Variants in HECTD4 observed in about 807,000 individuals in gnomAD.
The protein encoded by HECTD4 is HECT domain E3 ubiquitin protein ligase 4.
Under a neutral mutation model 471.5 loss-of-function variants are expected in HECTD4, and 114 were observed. That is an observed-to-expected ratio of 0.24 (90% CI 0.21 to 0.28). The LOEUF (loss-of-function observed/expected upper bound fraction) is 0.28, where lower values mean the gene tolerates loss of function less well. Among genes scored for constraint, HECTD4 ranks in the 10% least tolerant of loss-of-function variants. HECTD4 has a pLI of 1.00. For synonymous variants in HECTD4, 2,012 were observed against 2,256.0 expected (o/e 0.89, Z 3.07); for missense variants, 3,866 against 5,651.5 (o/e 0.68, Z 10.13).
rs767915850 is a variant in HECTD4, at chr12:112,226,667, G to C, written c.6946C>G (p.Leu2316Val). The change falls in exon 44 of 76, where the codon CTA becomes GTA. Residue 2316 changes from leucine (L) to valine (V), a missense_variant. Leu to Val is a conservative substitution (Grantham distance 32). This residue lies in a region of HECTD4 where 617 missense variants were observed against 915.1 expected (regional missense o/e 0.67). Coordinates refer to ENST00000682272, the MANE Select transcript of HECTD4 (RefSeq NM_001388303.1). Reference protein sequence around the residue: ...QCPAAVEVLNLVAQECSAGER... With the variant: ...QCPAAVEVLNVVAQECSAGER... ...CCAGCACTACATTCCTGGGCTACTA[G>C]GTTAAGAACTTCAACAGCTGCTGGA... 1.9e-6 allele frequency: 3 copies of C among 1,612,082 alleles called. No individual in the cohort carries two copies. The highest frequency in any genetic ancestry group is 8.5e-7 in the Non-Finnish European group (1 of 1,178,992).
At chr12:112,165,465 C>T (rs2030905790) in intron 72 of HECTD4, among the ~76,000 whole-genome samples, 1 of 151,316 alleles carries the variant, frequency 6.6e-6, no homozygotes, top group Admixed American at 6.6e-5. Context: ...CATTCTCCTG[C>T]CTCAGCCTCC....
intron 44 of HECTD4, 193 bp from the exon 45 acceptor site, chr12:112,219,682 C>T (rs2033035603): frequency 2.5e-6 from 1 of 403,128 alleles, no homozygotes; most frequent in Non-Finnish European, 4.4e-6. Context: ...TTACTGCAAC[C>T]TCTGCCTCCT....
At chr12:112,230,913 T>C in intron 39 of HECTD4, 91 bp from the exon 40 acceptor site, 1 of 1,236,926 alleles carries the variant, frequency 8.1e-7, no homozygotes. Flanking sequence ...GAGGAAAACC[T>C]TTTCTTTTTA....
chr12:112,254,750 G>C (rs570820331), intron 21 of HECTD4, among the ~76,000 whole-genome samples: 2 of 152,264 alleles, frequency 1.3e-5, no homozygotes, highest in Admixed American at 6.5e-5. Context: ...GCCAGAAAGG[G>C]GGCTGCTGCT....
chr12:112,195,964 C>A (rs1392943223), intron 55 of HECTD4, among the ~76,000 whole-genome samples: 1 of 152,136 alleles, frequency 6.6e-6, no homozygotes, highest in Non-Finnish European at 1.5e-5. Flanking sequence ...GAGTTTGAGA[C>A]CAGCCTGGGG....
intron 1 of HECTD4, among the ~76,000 whole-genome samples, chr12:112,376,912 AGACCAGC>A (rs2036791572): frequency 6.6e-6 from 1 of 152,136 alleles, no homozygotes; most frequent in African/African-American, 2.4e-5. Flanking sequence ...CCGGAGTTCA[AGACCAGC>A]CTGACCAACA....
At chr12:112,227,837 C>T (rs1273393896) in intron 43 of HECTD4, among the ~76,000 whole-genome samples, 1 of 152,070 alleles carries the variant, frequency 6.6e-6, no homozygotes, top group Non-Finnish European at 1.5e-5. Context: ...GTGTTTCATA[C>T]ATCACATTTC....
chr12:112,340,818 C>T (rs776825383), intron 1 of HECTD4, among the ~76,000 whole-genome samples: 3 of 151,946 alleles, frequency 2.0e-5, no homozygotes, highest in Non-Finnish European at 2.9e-5. Context: ...ATTCATGTGC[C>T]GAATTTGACA....
intron 38 of HECTD4, 84 bp from the exon 39 acceptor site, chr12:112,231,799 C>T (rs2033387399): frequency 9.1e-7 from 1 of 1,100,206 alleles, no homozygotes; most frequent in Non-Finnish European, 1.3e-6. Context: ...CCTCAATTAC[C>T]AAAGCAATCC....
At chr12:112,375,626 TC>T (rs1263356621) in intron 1 of HECTD4, among the ~76,000 whole-genome samples, 1 of 152,210 alleles carries the variant, frequency 6.6e-6, no homozygotes, top group Non-Finnish European at 1.5e-5. Context: ...AGTAAGCTAT[TC>T]CTTCTTTTCC....
rs1245619175 is a variant in HECTD4, at chr12:112,219,397, C to T, written c.7063G>A (p.Asp2355Asn). The change falls in exon 45 of 76, where the codon GAC (aspartate) becomes AAC (asparagine). Residue 2355 changes from aspartate (D) to asparagine (N), a missense_variant. Transcript: ENST00000682272. ...ARPPPPPLQADRRQPKEITWS... is the reference protein window; with the variant it reads ...ARPPPPPLQANRRQPKEITWS... ...CGCAGAGGGCTCACCTGTCTTCGGT[C>T]AGCCTGCAAAGGAGGTGGTGGGGGC... is the stretch of plus-strand genomic sequence containing the variant. The T allele has an allele frequency of 1.2e-6, 2 of 1,613,290 alleles. No homozygotes were observed. Among genetic ancestry groups the T allele is most frequent in the Middle Eastern group, 3.3e-4 (2 of 6,062 alleles).
At chr12:112,330,138 G>A (rs917379999) in intron 1 of HECTD4, among the ~76,000 whole-genome samples, 48 of 152,054 alleles carry the variant, frequency 3.2e-4, no homozygotes, top group African/African-American at 1.0e-3. Context: ...TTAGCCGGGC[G>A]TGGTGATGGG....
At position 112,170,903 on chromosome 12, in the gene HECTD4, T is replaced by G. The variant is rs1316677195; in HGVS notation, c.11932+214A>C. The G allele has an allele frequency of 8.6e-5, 45 of 523,682 alleles. 1 individual carries two copies. In the East Asian group the frequency reaches 1.4e-3, roughly 16 times the overall value. The allele number at this position is 523,682 out of a possible 1,614,324, so 32.4% of individuals were successfully genotyped here. On this transcript the variant is annotated intron_variant, in intron 68 of 75. Coordinates refer to ENST00000682272, the MANE Select transcript of HECTD4 (RefSeq NM_001388303.1). The stretch of plus-strand genomic sequence containing the variant: ...TAATTTGAAAACCTTAAAAATAATT[T>G]TATTTTTCAGAGCATGTTACTTTTA...
Position 112,248,511 on chromosome 12 carries a change from C to A in HECTD4, c.3952G>T (p.Glu1318Ter). ...ARPQFRPSIK[E>*]VIQPDVMEEM... ...TCCATCACGTCTGGCTGAATCACTT[C>A]TCTGTGATCACAATGGAAATCAGTC... is the stretch of plus-strand genomic sequence containing the variant. The change falls in exon 26 of 76, where the codon GAA (glutamate) becomes TAA (stop). Residue 1318 changes from glutamate (E) to a stop codon, truncating the protein, a stop_gained and splice_region_variant. Coordinates refer to ENST00000682272, the MANE Select transcript of HECTD4 (RefSeq NM_001388303.1). LOFTEE classifies it high-confidence loss of function. 2 of 1,592,474 alleles carry A rather than the reference C, an allele frequency of 1.3e-6. No homozygotes were observed. The highest frequency in any genetic ancestry group is 1.7e-6 in the Non-Finnish European group (2 of 1,170,270).
Position 112,184,405 on chromosome 12 carries a change from G to C in HECTD4, c.10561C>G (p.Pro3521Ala), listed in dbSNP as rs1389719900. 1.9e-6 allele frequency: 3 copies of C among 1,607,428 alleles called. No homozygotes were observed. The African/African-American group carries it at 4.0e-5, about 21-fold the overall frequency. The change falls in exon 61 of 76, where the codon CCT becomes GCT. Residue 3521 changes from proline to alanine, a missense_variant. Around this residue, in one of 16 missense-constraint regions of HECTD4, gnomAD observed 192 missense variants for 189.9 expected, o/e 1.01. Transcript: ENST00000682272. This position sits in a 1 kb window ranked among gnomAD's most constrained non-coding sequence, Gnocchi z 9.1. ...PLPAGLELPI[P>A]PGLLEPHAVS... is the part of the protein sequence containing the mutation. The stretch of plus-strand genomic sequence containing the variant: ...GCGTGGGGCTCCAACAGGCCCGGAG[G>C]GATGGGCAGCTCGAGGCCGGCAGGC...
intron 7 of HECTD4, among the ~76,000 whole-genome samples, chr12:112,293,633 A>G (rs920374894): frequency 1.3e-5 from 2 of 152,210 alleles, no homozygotes; most frequent in Non-Finnish European, 2.9e-5. Context: ...ATAATAAATC[A>G]CCATTTGTGT....
intron 10 of HECTD4, 79 bp from the exon 11 acceptor site, chr12:112,273,874 A>G (rs961931006): frequency 3.0e-5 from 46 of 1,517,492 alleles, no homozygotes; most frequent in Non-Finnish European, 3.9e-5. Flanking sequence ...ACTGCTACAA[A>G]GTGGAAGGGC....
At position 112,338,426 on chromosome 12, in the gene HECTD4, G is replaced by A. The variant is rs543723476; in HGVS notation, c.178-18684C>T. Among the ~76,000 whole-genome samples the A allele has an allele frequency of 1.2e-4, 19 of 152,264 alleles. No homozygotes were observed. In the East Asian group the frequency reaches 3.5e-3, roughly 28 times the overall value. ...ACTGGAGGCCAGGAATTTGAGACCA[G>A]CCTGGCCAACATGGTGAAACCCCAT... is the stretch of plus-strand genomic sequence containing the variant. On this transcript the variant is annotated intron_variant, in intron 1 of 75. Coordinates refer to ENST00000682272, the MANE Select transcript of HECTD4 (RefSeq NM_001388303.1).
chr12:112,292,678 G>A (rs1299297822), intron 7 of HECTD4, among the ~76,000 whole-genome samples: 1 of 152,152 alleles, frequency 6.6e-6, no homozygotes, highest in Non-Finnish European at 1.5e-5. Flanking sequence ...GCTTCCATTT[G>A]TATACAGTGG....
Sources: allele counts gnomAD v4.1 joint callset (sites outside exome capture counted in the v4.1 genomes callset), GRCh38; gene constraint gnomAD v4.1.1; regional missense constraint gnomAD v4.1.1; non-coding constraint Gnocchi (gnomAD v3.1); transcripts MANE v1.5; gene names NCBI Gene and HGNC (gene_info 2026-07-23, HGNC 2026-07-21).